The following CLASRP variants were observed in gnomAD, a reference collection of about 807,000 sequenced individuals.
CLASRP encodes the protein CLK4 associating serine/arginine rich protein.
CLASRP carries 52 observed loss-of-function variants against 99.9 expected under a neutral mutation model. The observed-to-expected ratio is 0.52, with a 90% CI of 0.42 to 0.66. CLASRP has a LOEUF of 0.66. Ranked by LOEUF, CLASRP falls within the 30% of genes least tolerant of loss-of-function variation. The pLI, the probability that CLASRP is intolerant of heterozygous loss-of-function variation, is 0.00. For synonymous variants in CLASRP, 379 were observed against 373.0 expected (o/e 1.02, Z -0.18); for missense variants, 848 against 999.2 (o/e 0.85, Z 2.04).
At chr19:45,053,058 C>G in intron 4 of CLASRP, 40 bp from the exon 5 acceptor site, 1 of 1,610,490 alleles carries the variant, frequency 6.2e-7, no homozygotes, top group Non-Finnish European at 8.5e-7. Context: ...GGGGGATCCA[C>G]TCCTTCTCTC....
intron 10 of CLASRP, among the ~76,000 whole-genome samples, chr19:45,061,926 G>A (rs777806013): frequency 2.0e-5 from 3 of 150,938 alleles, no homozygotes; most frequent in Non-Finnish European, 4.4e-5. Context: ...GTTCCTCAGA[G>A]TCATGATGGG....
At chr19:45,051,239 C>T (rs1053081963) in intron 2 of CLASRP, among the ~76,000 whole-genome samples, 1 of 152,038 alleles carries the variant, frequency 6.6e-6, no homozygotes, top group Non-Finnish European at 1.5e-5. Context: ...TTTTAGAGAG[C>T]GAGGTCTTCG....
In CLASRP at chr19:45,052,139, C is replaced by A. The variant is rs138855474; in HGVS notation, c.168C>A (p.Val56=). The stretch of plus-strand genomic sequence containing the variant: ...GCAAGGTGCACCTGGATTCTGCAGT[C>A]GCCCTGGCCGCTGAGAGCCCTGTTA... ...RACKVHLDSA[V]ALAAESPVNM... The change falls in exon 3 of 21, where the codon GTC becomes GTA. Residue 56 remains valine (V), a synonymous_variant. Transcript: ENST00000221455. 1.2e-6 allele frequency: 2 copies of A among 1,614,004 alleles called. No homozygotes were observed. The highest frequency in any genetic ancestry group is 1.1e-5 in the South Asian group (1 of 91,072).
At position 45,057,810 on chromosome 19, in the gene CLASRP, A is replaced by C; in HGVS notation, c.525A>C (p.Val175=). The C allele has an allele frequency of 6.2e-7, 1 of 1,614,056 alleles. No individual in the cohort carries two copies. The highest frequency in any genetic ancestry group is 8.5e-7 in the Non-Finnish European group (1 of 1,179,940). Reference sequence around the variant, plus strand: ...ACGAGGACAGCACGGTGGCCGAGGTAGAGAAGGCGGCAGAAAAGCCAGAGG... The same window carrying C: ...ACGAGGACAGCACGGTGGCCGAGGTCGAGAAGGCGGCAGAAAAGCCAGAGG... The part of the protein sequence containing the change: ...YTYEDSTVAE[V]EKAAEKPEEE... Residue 175 remains valine (V), a synonymous_variant, in exon 7 of 21, where the codon GTA becomes GTC. Coordinates refer to ENST00000221455, the MANE Select transcript of CLASRP (RefSeq NM_007056.3).
Position 45,070,561 on chromosome 19 carries a change from G to A in CLASRP, c.1982G>A (p.Arg661Lys), listed in dbSNP as rs1398858309. ...GGTCGAGAATACAGCTCTTCTCGAA[G>A]GTAAGGAAGCCCATGACCCTCCACT... ...RYSREYSSSRRRSRSRSRSPH... is the reference protein window; with the variant it reads ...RYSREYSSSRKRSRSRSRSPH... The change falls in exon 20 of 21, where the codon AGG becomes AAG. Residue 661 changes from arginine to lysine, a missense_variant and splice_region_variant. Arg to Lys is a conservative substitution (Grantham distance 26). Transcript: ENST00000221455. The A allele has an allele frequency of 6.2e-7, 1 of 1,613,606 alleles. No individual in the cohort carries two copies. The highest frequency in any genetic ancestry group is 1.7e-4 in the Middle Eastern group (1 of 6,060).
Position 45,064,485 on chromosome 19 carries a change from T to TGGTCCC in CLASRP, c.1266_1271dup (p.Ser429_Arg430dup), listed in dbSNP as rs773423195. On this transcript the variant is annotated inframe_insertion, in exon 13 of 21. Coordinates refer to ENST00000221455, the MANE Select transcript of CLASRP (RefSeq NM_007056.3). ...CCACGCCCGCTCCCGGTCCCGCTCC[T>TGGTCCC]GGTCCCGCTCCCGCTCCCGCTCCCG... 1.5e-5 allele frequency: 23 copies of TGGTCCC among 1,517,828 alleles called. No individual in the cohort carries two copies. The highest frequency in any genetic ancestry group is 3.6e-5 in the South Asian group (3 of 83,420). The allele number at this position is 1,517,828 out of a possible 1,614,324, so 94.0% of individuals were successfully genotyped here.
Position 45,057,883 on chromosome 19 carries a change from G to A in CLASRP, c.598G>A (p.Val200Ile). ...EEESNSDEDEVIPDIDVEVDV... is the reference protein window; with the variant it reads ...EEESNSDEDEIIPDIDVEVDV... ...GGAGAGCAACTCGGACGAAGATGAG[G>A]TCATCCCCGACATCGGTGGGGTCCC... Residue 200 changes from valine to isoleucine, a missense_variant, in exon 7 of 21, where the codon GTC becomes ATC. Physicochemically the swap from Val to Ile is conservative, Grantham distance 29. This residue lies in a region of CLASRP where 119 missense variants were observed against 170.2 expected (regional missense o/e 0.70). Coordinates refer to ENST00000221455, the MANE Select transcript of CLASRP (RefSeq NM_007056.3). The A allele has an allele frequency of 6.2e-7, 1 of 1,613,876 alleles. No homozygotes were observed. Among genetic ancestry groups the A allele is most frequent in the Non-Finnish European group, 8.5e-7 (1 of 1,179,918 alleles).
intron 1 of CLASRP, among the ~76,000 whole-genome samples, 152 bp downstream of exon 1, chr19:45,039,260 C>T (rs1252319765): frequency 6.6e-6 from 1 of 152,170 alleles, no homozygotes; most frequent in Non-Finnish European, 1.5e-5. Context: ...GCCTGACGGG[C>T]CTCAGGCCGA....
chr19:45,055,398 C>T (rs1037263484), intron 5 of CLASRP, among the ~76,000 whole-genome samples: 3 of 152,162 alleles, frequency 2.0e-5, no homozygotes, highest in South Asian at 2.1e-4. Context: ...AGAGCGAGGG[C>T]GCTTGTGCAA....
intron 12 of CLASRP, 50 bp from the exon 13 acceptor site, chr19:45,064,293 G>C (rs758034196): frequency 2.0e-6 from 3 of 1,508,996 alleles, no homozygotes; most frequent in Admixed American, 2.1e-5. Flanking sequence ...GGGCAGAGGG[G>C]GGCCGCGGCT....
intron 2 of CLASRP, among the ~76,000 whole-genome samples, chr19:45,049,276 A>G (rs1033077234): frequency 1.4e-4 from 21 of 152,166 alleles, no homozygotes; most frequent in African/African-American, 5.1e-4. Context: ...CCTCAGGAGT[A>G]TGATGGGATC....
intron 2 of CLASRP, 33 bp downstream of exon 2, chr19:45,040,344 A>C: frequency 6.6e-7 from 1 of 1,513,324 alleles, no homozygotes; most frequent in South Asian, 1.2e-5. Flanking sequence ...GGGGTGAGGG[A>C]CCCTGGGTTG....
intron 6 of CLASRP, among the ~76,000 whole-genome samples, 164 bp downstream of exon 6, chr19:45,056,698 C>G (rs1972125515): frequency 6.6e-6 from 1 of 152,302 alleles, no homozygotes; most frequent in African/African-American, 2.4e-5. Flanking sequence ...GGAAGAAGCC[C>G]TGTCAGGGGG....
chr19:45,046,649 T>A (rs1378933705), intron 2 of CLASRP, among the ~76,000 whole-genome samples: 2 of 152,098 alleles, frequency 1.3e-5, no homozygotes, highest in African/African-American at 2.4e-5. Flanking sequence ...TGCTTAACAG[T>A]TGAATGAATG....
Position 45,055,347 on chromosome 19 carries a change from A to C in CLASRP, c.380-1103A>C, listed in dbSNP as rs56405239. On this transcript the variant is annotated intron_variant, in intron 5 of 20. Transcript: ENST00000221455. Reference sequence around the variant, plus strand: ...CTGTGTCAGCCAGGACTGTGAGCACACTGGAGGGGCAGAGAGAAGGCCCGT... The same window carrying C: ...CTGTGTCAGCCAGGACTGTGAGCACCCTGGAGGGGCAGAGAGAAGGCCCGT... Among the ~76,000 whole-genome samples the C allele has an allele frequency of 9.6e-3, 1,458 of 152,316 alleles. 24 individuals are homozygous for C. The highest frequency in any genetic ancestry group is 0.034 in the African/African-American group (1,411 of 41,564).
At chr19:45,044,526 A>G (rs540768642) in intron 2 of CLASRP, among the ~76,000 whole-genome samples, 1 of 152,290 alleles carries the variant, frequency 6.6e-6, no homozygotes, top group East Asian at 1.9e-4. Flanking sequence ...TAACCTCTCT[A>G]AGCTTTTCAC....
Position 45,040,286 on chromosome 19 carries a change from G to A in CLASRP, c.74G>A (p.Arg25Gln). ...MMVDYKKRAE[R>Q]RREYYEKIKK... ...GTCGACTACAAGAAGAGGGCGGAGC[G>A]GAGACGGGAGTATTATGAAAAGATC... is the stretch of plus-strand genomic sequence containing the variant. The change falls in exon 2 of 21, where the codon CGG (arginine) becomes CAG (glutamine). Residue 25 changes from arginine (R) to glutamine (Q), a missense_variant. Physicochemically the swap from Arg to Gln is conservative, Grantham distance 43. Transcript: ENST00000221455. 6.2e-7 allele frequency: 1 copy of A among 1,611,454 alleles called. No individual in the cohort carries two copies. The highest frequency in any genetic ancestry group is 8.5e-7 in the Non-Finnish European group (1 of 1,179,166).
Position 45,064,533 on chromosome 19 carries a change from C to A in CLASRP, c.1312C>A (p.Arg438Ser), listed in dbSNP as rs902333083. The A allele has an allele frequency of 3.1e-5, 48 of 1,537,834 alleles. No homozygotes were observed. In the East Asian group the frequency reaches 9.8e-4, roughly 31 times the overall value. ...CCGGCGCTATTCCCGGTCCCGTAGCCGTGGCCGGCGGCACTCAGGTGGGGG... is the reference window on the plus strand; with the variant it reads ...CCGGCGCTATTCCCGGTCCCGTAGCAGTGGCCGGCGGCACTCAGGTGGGGG... Reference protein sequence around the residue: ...RSRRYSRSRSRGRRHSGGGSR... With the variant: ...RSRRYSRSRSSGRRHSGGGSR... The change falls in exon 13 of 21, where the codon CGT (arginine) becomes AGT (serine). Residue 438 changes from arginine (R) to serine (S), a missense_variant. Physicochemically the swap from Arg to Ser is moderately radical, Grantham distance 110. Transcript: ENST00000221455.
At chr19:45,063,979 T>G in intron 11 of CLASRP, 33 bp from the exon 12 acceptor site, 1 of 1,574,090 alleles carries the variant, frequency 6.4e-7, no homozygotes, top group East Asian at 2.3e-5. Flanking sequence ...TCCGGGAGCC[T>G]GAGCTAGTGA....
Sources: gnomAD v4.1 joint callset for allele counts (sites outside exome capture counted in the v4.1 genomes callset) on GRCh38, gnomAD v4.1.1 for gene constraint, gnomAD v4.1.1 regional missense constraint, MANE v1.5 for transcripts, NCBI Gene and HGNC (gene_info 2026-07-23, HGNC 2026-07-21) for gene names.